The following EVL variants were observed in gnomAD, a reference collection of about 807,000 sequenced individuals.
EVL encodes Enah/Vasp-like, also known as ena/VASP-like protein.
In EVL, 21 loss-of-function variants were observed where a neutral mutation model predicts 59.6. The ratio of observed to expected loss-of-function variants is 0.35; its 90% CI spans 0.25 to 0.51. The LOEUF (loss-of-function observed/expected upper bound fraction) is 0.51. EVL is among the 20% of genes least tolerant of loss of function. The probability of loss-of-function intolerance (pLI) is 0.97; values close to 1 mark genes in which losing one functional copy is unlikely to be tolerated. For missense variants in EVL, 462 were observed against 546.6 expected (o/e 0.85, Z 1.54); for synonymous variants, 198 against 203.5 (o/e 0.97, Z 0.23).
rs144417474 is a variant in EVL at position 100,014,082 on chromosome 14, G to A, written c.5+42025G>A. On this transcript the variant is annotated intron_variant, in intron 1 of 13. Coordinates refer to the EVL transcript ENST00000402714. ...ATTTTTAAATGTACAATAAATTAGT[G>A]TTGACTGTAATCACCCTATTGTGCT... Among the ~76,000 whole-genome samples the A allele has an allele frequency of 3.3e-5, 5 of 152,174 alleles. No individual in the cohort carries two copies. In the East Asian group the frequency reaches 9.7e-4, roughly 29 times the overall value.
chr14:100,029,598 T>C (rs1203367484), intron 1 of EVL, among the ~76,000 whole-genome samples: 2 of 152,210 alleles, frequency 1.3e-5, no homozygotes, highest in Admixed American at 6.5e-5. Context: ...GATAACGTGC[T>C]GTGGCCGGGA....
chr14:100,070,499 C>T (rs1008055221), intron 1 of EVL, among the ~76,000 whole-genome samples: 3 of 152,176 alleles, frequency 2.0e-5, no homozygotes, highest in Admixed American at 2.0e-4. Flanking sequence ...CAAAAGAGAC[C>T]TCGTCTGTCC....
chr14:100,086,727 A>C (rs2062451739), intron 2 of EVL, among the ~76,000 whole-genome samples: 1 of 152,200 alleles, frequency 6.6e-6, no homozygotes, highest in African/African-American at 2.4e-5. Flanking sequence ...TTAAATTTGG[A>C]GGGCTGTGTT....
chr14:100,054,567 A>G (rs1473980642), intron 1 of EVL, among the ~76,000 whole-genome samples: 1 of 152,158 alleles, frequency 6.6e-6, no homozygotes, highest in Admixed American at 6.5e-5. Context: ...ACCCAGAACC[A>G]GGTCCCAGAC....
At chr14:100,043,851 C>T (rs548780863) in intron 1 of EVL, among the ~76,000 whole-genome samples, 7 of 151,956 alleles carry the variant, frequency 4.6e-5, no homozygotes, top group East Asian at 1.9e-4. Flanking sequence ...TGGGCTCAAG[C>T]GATCTTCCCA....
At chr14:100,017,365 C>T (rs1417375841) in intron 1 of EVL, among the ~76,000 whole-genome samples, 1 of 152,194 alleles carries the variant, frequency 6.6e-6, no homozygotes, top group African/African-American at 2.4e-5. Flanking sequence ...ATTGAGCAGA[C>T]AGGATACTTC....
In EVL at chr14:99,972,140, G is replaced by A; in HGVS notation, c.5+83G>A. On this transcript the variant is annotated intron_variant, in intron 1 of 13. Coordinates refer to the EVL transcript ENST00000402714. This position sits in a 1 kb window ranked among gnomAD's most constrained non-coding sequence, Gnocchi z 4.4. Reference sequence around the variant, plus strand: ...GCTGGGGGCCCGCGGTGCCCCCGAGGGCGGGAGGGGGGCTCCACGGGCGCG... The same window carrying A: ...GCTGGGGGCCCGCGGTGCCCCCGAGAGCGGGAGGGGGGCTCCACGGGCGCG... The A allele has an allele frequency of 6.7e-6, 2 of 299,936 alleles. No individual in the cohort carries two copies. Among genetic ancestry groups the A allele is most frequent in the East Asian group, 4.8e-5 (1 of 20,768 alleles). 18.6% of individuals were successfully genotyped at this position (299,936 alleles called of 1,614,324 possible). A position where few individuals can be genotyped will look rare whatever the true frequency, so the allele number is the denominator to read the frequency against.
chr14:100,139,067 C>T (rs1013070999), intron 11 of EVL: 1 of 152,360 alleles, frequency 6.6e-6, no homozygotes, highest in Non-Finnish European at 1.5e-5. Context: ...AGTCATGGAA[C>T]TTGAGGCACA....
At position 100,135,911 on chromosome 14, in the gene EVL, C is replaced by A. The variant is rs1888752560; in HGVS notation, c.907C>A (p.Pro303Thr). 1 of 1,613,844 alleles carries A rather than the reference C, an allele frequency of 6.2e-7. No individual in the cohort carries two copies. Among genetic ancestry groups the A allele is most frequent in the African/African-American group, 1.3e-5 (1 of 74,920 alleles). Reference sequence around the variant, plus strand: ...CCCTTCTTCTCCATTTTAGGAAGATCCTAGTACCTCCCCCTCTCCGGGGAC... The same window carrying A: ...CCCTTCTTCTCCATTTTAGGAAGATACTAGTACCTCCCCCTCTCCGGGGAC... Reference protein sequence around the residue: ...KKEDESQMEDPSTSPSPGTRA... With the variant: ...KKEDESQMEDTSTSPSPGTRA... The change falls in exon 9 of 14, where the codon CCT becomes ACT. Residue 303 changes from proline (P) to threonine (T), a missense_variant. Pro to Thr is a conservative substitution (Grantham distance 38). Transcript: ENST00000392920.
At chr14:100,002,675 A>T (rs1390341197) in intron 1 of EVL, among the ~76,000 whole-genome samples, 3 of 152,254 alleles carry the variant, frequency 2.0e-5, no homozygotes, top group Non-Finnish European at 4.4e-5. Flanking sequence ...TCAGAAAAAG[A>T]CATAATTTAT....
intron 2 of EVL, among the ~76,000 whole-genome samples, chr14:100,092,703 C>T (rs556769422): frequency 6.6e-6 from 1 of 152,216 alleles, no homozygotes; most frequent in African/African-American, 2.4e-5. Context: ...CCATTACACT[C>T]CAGCCTGGGT....
intron 4 of EVL, among the ~76,000 whole-genome samples, chr14:100,125,498 A>G (rs1025494387): frequency 2.0e-5 from 3 of 151,670 alleles, no homozygotes; most frequent in East Asian, 1.9e-4. Flanking sequence ...GAGCAGAGAC[A>G]CTAATGTAGA....
At chr14:100,051,285 G>T (rs1005600038) in intron 1 of EVL, among the ~76,000 whole-genome samples, 2 of 152,074 alleles carry the variant, frequency 1.3e-5, no homozygotes, top group Non-Finnish European at 2.9e-5. Context: ...TGCTGTCCAC[G>T]CTACCTGCTT....
chr14:100,018,490 A>G (rs2061070390), intron 1 of EVL, among the ~76,000 whole-genome samples: 1 of 152,260 alleles, frequency 6.6e-6, no homozygotes, highest in Non-Finnish European at 1.5e-5. Flanking sequence ...AGGGTTAAAC[A>G]GAGGCATCAA....
intron 1 of EVL, among the ~76,000 whole-genome samples, chr14:100,000,891 C>CTCT (rs1466712661): frequency 6.6e-6 from 1 of 152,126 alleles, no homozygotes; most frequent in Admixed American, 6.5e-5. Flanking sequence ...GAAAATGAGT[C>CTCT]TCTGGTCTCA....
At position 100,143,921 on chromosome 14, in the gene EVL, T is replaced by TTTTA. The variant is rs1329927472; in HGVS notation, c.*184_*187dup. The TTTTA allele has an allele frequency of 7.9e-6, 5 of 635,110 alleles. No individual in the cohort carries two copies. Among genetic ancestry groups the TTTTA allele is most frequent in the African/African-American group, 7.4e-5 (4 of 54,340 alleles). The allele number at this position is 635,110 out of a possible 1,614,324, so 39.3% of individuals were successfully genotyped here. ...GAAACCAAGTGCAACTCCTGGGTTT[T>TTTTA]TTTAGATTCTGCCTGACACGGAACA... is the stretch of plus-strand genomic sequence containing the variant. On this transcript the variant is annotated 3_prime_UTR_variant, in exon 14 of 14. Transcript: ENST00000392920.
In EVL at chr14:100,128,595, C is replaced by G. The variant is rs746584136; in HGVS notation, c.564C>G (p.Pro188=). ...CATGTAGTGGGCCTCCACCGCCCCC[C>G]CCACCCCCAGTCCCACCTCCACCCA... is the stretch of plus-strand genomic sequence containing the variant. The part of the protein sequence containing the change: ...PVSCSGPPPP[P]PPPVPPPPTG... The change falls in exon 6 of 14, where the codon CCC becomes CCG. Residue 188 remains proline (P), a synonymous_variant. Coordinates refer to ENST00000392920, the MANE Select transcript of EVL (RefSeq NM_016337.3). 47 of 1,542,746 alleles carry G rather than the reference C, an allele frequency of 3.0e-5. No homozygotes were observed. The highest frequency in any genetic ancestry group is 3.1e-5 in the Non-Finnish European group (35 of 1,128,266).
chr14:100,106,521 T>C (rs1886580732), intron 3 of EVL: 1 of 190,086 alleles, frequency 5.3e-6, no homozygotes, highest in Non-Finnish European at 1.1e-5. Context: ...TGTAGCTGGG[T>C]CTGGCCCTTT....
chr14:99,976,434 T>C (rs2060770762), intron 1 of EVL, among the ~76,000 whole-genome samples: 1 of 152,162 alleles, frequency 6.6e-6, no homozygotes, highest in Admixed American at 6.6e-5. Flanking sequence ...ACATAGTATG[T>C]GTAATTATCT....
Sources: allele counts gnomAD v4.1 joint callset (sites outside exome capture counted in the v4.1 genomes callset), GRCh38; gene constraint gnomAD v4.1.1; non-coding constraint Gnocchi (gnomAD v3.1); transcripts MANE v1.5; gene names NCBI Gene and HGNC (gene_info 2026-07-23, HGNC 2026-07-21).